Variants in NTRK3 observed in about 807,000 individuals in gnomAD.
The protein encoded by NTRK3 is NT-3 growth factor receptor.
NTRK3 carries 24 observed loss-of-function variants against 91.7 expected under a neutral mutation model. The observed-to-expected ratio is 0.26, with a 90% confidence interval of 0.19 to 0.37. The LOEUF is 0.37. Among genes scored for constraint, NTRK3 ranks in the 10% least tolerant of loss-of-function variants. NTRK3 has a pLI of 1.00. For synonymous variants in NTRK3, 483 were observed against 404.0 expected, an observed-to-expected ratio of 1.20 and a Z score of -2.34; for missense variants, 880 against 1,068.9, an observed-to-expected ratio of 0.82 and a Z score of 2.46.
intron 17 of NTRK3, among the ~76,000 whole-genome samples, chr15:87,902,194 A>G (rs1420752656): frequency 6.6e-6 from 1 of 152,188 alleles, no homozygotes; most frequent in Non-Finnish European, 1.5e-5. Context: ...GACAGATTGG[A>G]AAAAAGAAGC....
intron 13 of NTRK3, among the ~76,000 whole-genome samples, chr15:88,069,676 A>G: frequency 6.6e-6 from 1 of 152,226 alleles, no homozygotes; most frequent in East Asian, 1.9e-4. Context: ...CACGATATGA[A>G]GGAAATTGGC....
chr15:88,158,063 C>T (rs531872843), intron 5 of NTRK3, among the ~76,000 whole-genome samples: 1 of 152,156 alleles, frequency 6.6e-6, no homozygotes, highest in Non-Finnish European at 1.5e-5. Context: ...TGTGACTCTG[C>T]GTGAGTTACT....
intron 5 of NTRK3, among the ~76,000 whole-genome samples, chr15:88,180,834 G>A (rs553778882): frequency 9.2e-5 from 14 of 152,276 alleles, no homozygotes; most frequent in African/African-American, 2.9e-4. Context: ...AAAGAAACCT[G>A]GCCCATTTGC....
At chr15:87,914,578 T>C (rs1167136007) in intron 17 of NTRK3, among the ~76,000 whole-genome samples, 3 of 152,236 alleles carry the variant, frequency 2.0e-5, no homozygotes, top group Non-Finnish European at 4.4e-5. Context: ...GCATTTTTAA[T>C]GTAGAAATCA....
At chr15:88,129,796 G>T (rs1225455408) in intron 10 of NTRK3, among the ~76,000 whole-genome samples, 2 of 152,200 alleles carry the variant, frequency 1.3e-5, no homozygotes, top group Non-Finnish European at 2.9e-5. Flanking sequence ...GTCCTGGATT[G>T]TTATGGATTA....
At chr15:88,188,456 A>G (rs571919262) in intron 3 of NTRK3, among the ~76,000 whole-genome samples, 47 of 152,308 alleles carry the variant, frequency 3.1e-4, no homozygotes, top group African/African-American at 1.1e-3. Context: ...TGCAATGCAC[A>G]GGACAGCCCC....
chr15:87,905,516 T>C (rs1282387963), intron 17 of NTRK3, among the ~76,000 whole-genome samples: 3 of 152,184 alleles, frequency 2.0e-5, no homozygotes, highest in African/African-American at 7.2e-5. Flanking sequence ...ACAGTGATAT[T>C]TAGGTTAAAT....
At chr15:87,962,961 T>A (rs2072442108) in intron 14 of NTRK3, among the ~76,000 whole-genome samples, 1 of 152,310 alleles carries the variant, frequency 6.6e-6, no homozygotes, top group Non-Finnish European at 1.5e-5. Context: ...GAAGAGCCCT[T>A]TGGGGAACAA....
intron 17 of NTRK3, among the ~76,000 whole-genome samples, chr15:87,914,701 T>C (rs879712735): frequency 3.3e-5 from 5 of 151,938 alleles, no homozygotes; most frequent in Non-Finnish European, 4.4e-5. Context: ...AATACAAAGA[T>C]CAGGAAGTTG....
At chr15:88,205,229 T>G (rs2048638932) in intron 3 of NTRK3, among the ~76,000 whole-genome samples, 1 of 152,176 alleles carries the variant, frequency 6.6e-6, no homozygotes, top group Non-Finnish European at 1.5e-5. Flanking sequence ...GGAGCCTTGA[T>G]GCCTTAGTGT....
intron 3 of NTRK3, among the ~76,000 whole-genome samples, chr15:88,194,312 G>A (rs1300037494): frequency 6.6e-6 from 1 of 152,222 alleles, no homozygotes; most frequent in African/African-American, 2.4e-5. Context: ...TCTCCCCCAA[G>A]TGCTCTGCTC....
intron 14 of NTRK3, among the ~76,000 whole-genome samples, chr15:88,009,730 C>T (rs2076741228): frequency 6.6e-6 from 1 of 152,156 alleles, no homozygotes; most frequent in Non-Finnish European, 1.5e-5. Flanking sequence ...AAAGGATTTG[C>T]AGCTTGTAAG....
chr15:87,993,395 G>A (rs1052761444), intron 14 of NTRK3, among the ~76,000 whole-genome samples: 1 of 152,170 alleles, frequency 6.6e-6, no homozygotes. Context: ...CCTCTGAGTT[G>A]GGATTTTTTG....
intron 5 of NTRK3, among the ~76,000 whole-genome samples, chr15:88,151,292 C>G (rs144871363): frequency 6.6e-6 from 1 of 152,250 alleles, no homozygotes; most frequent in East Asian, 1.9e-4. Context: ...AGACCAGACT[C>G]TGGGGTCCAG....
chr15:87,921,253 G>A (rs2067844743), intron 17 of NTRK3, among the ~76,000 whole-genome samples: 1 of 152,164 alleles, frequency 6.6e-6, no homozygotes, highest in Non-Finnish European at 1.5e-5. Context: ...AGCAAAGGAA[G>A]AATCAAACAC....
chr15:88,187,471 G>A (rs2047035130), intron 3 of NTRK3, among the ~76,000 whole-genome samples: 1 of 152,178 alleles, frequency 6.6e-6, no homozygotes, highest in African/African-American at 2.4e-5. Flanking sequence ...CTACTAGGGA[G>A]ACCACCACTT....
chr15:88,154,110 CAAAAAAAA>C (rs397736752), intron 5 of NTRK3, among the ~76,000 whole-genome samples: 30 of 86,640 alleles, frequency 3.5e-4, no homozygotes, highest in Non-Finnish European at 5.4e-4. Context: ...ATAGACTTTG[CAAAAAAAA>C]AAAAAAAAAA....
intron 13 of NTRK3, among the ~76,000 whole-genome samples, chr15:88,083,610 T>C (rs995186788): frequency 6.6e-6 from 1 of 152,150 alleles, no homozygotes; most frequent in Admixed American, 6.5e-5. Flanking sequence ...ATGGGACAGT[T>C]CATAGTCAAG....
intron 5 of NTRK3, among the ~76,000 whole-genome samples, chr15:88,161,482 T>A (rs1255646721): frequency 2.0e-5 from 3 of 152,072 alleles, no homozygotes; most frequent in Non-Finnish European, 4.4e-5. Context: ...TAGGTAAAAT[T>A]TGGAAAGCCT....
Sources: allele counts gnomAD v4.1 joint callset (sites outside exome capture counted in the v4.1 genomes callset), GRCh38; gene constraint gnomAD v4.1.1; transcripts MANE v1.5; gene names NCBI Gene and HGNC (gene_info 2026-07-23, HGNC 2026-07-21).